DRC9: variants seen among roughly 807,000 people sequenced by gnomAD.
DRC9 encodes dynein regulatory complex subunit 9.
chr3:197,933,327 G>C, the DRC9 span, among the ~76,000 whole-genome samples: 1 of 151,646 alleles, frequency 6.6e-6, no homozygotes, highest in Non-Finnish European at 1.5e-5. Flanking sequence ...TGTAATCCCA[G>C]CTACTCGGGA....
chr3:197,948,537 C>T, the DRC9 span, among the ~76,000 whole-genome samples: 109 of 152,316 alleles, frequency 7.2e-4, 4 homozygotes, highest in South Asian at 0.021. Flanking sequence ...GAATAATACA[C>T]GAGCAAACGA....
the DRC9 span, among the ~76,000 whole-genome samples, chr3:197,899,284 G>A: frequency 6.6e-6 from 1 of 152,138 alleles, no homozygotes; most frequent in Non-Finnish European, 1.5e-5. Context: ...AATCTGGTTT[G>A]TTTTCTGTTT....
chr3:197,949,863 G>A, the DRC9 span: 1 of 392,060 alleles, frequency 2.6e-6, no homozygotes. Context: ...TAGGCAGCGG[G>A]AACATCCTCC....
At chr3:197,895,758 T>TAA in the DRC9 span, among the ~76,000 whole-genome samples, 1 of 151,074 alleles carries the variant, frequency 6.6e-6, no homozygotes, top group Non-Finnish European at 1.5e-5. Context: ...GTGGATTACT[T>TAA]GAGTCCAGGA....
chr3:197,953,279 G>A, the DRC9 span, among the ~76,000 whole-genome samples: 1 of 152,202 alleles, frequency 6.6e-6, no homozygotes, highest in Non-Finnish European at 1.5e-5. Flanking sequence ...GAGAGCCCTA[G>A]GTGGGAGGAT....
the DRC9 span, among the ~76,000 whole-genome samples, chr3:197,894,132 A>G: frequency 6.6e-6 from 1 of 152,254 alleles, no homozygotes; most frequent in Non-Finnish European, 1.5e-5. Flanking sequence ...AAAGAGCACA[A>G]CTCTGGCACT....
the DRC9 span, among the ~76,000 whole-genome samples, chr3:197,933,504 A>T: frequency 4.6e-5 from 7 of 152,290 alleles, no homozygotes; most frequent in Admixed American, 1.3e-4. Context: ...AAATTTTTTT[A>T]AATGATTTAA....
At chr3:197,938,493 T>A in the DRC9 span, 1 of 1,364,286 alleles carries the variant, frequency 7.3e-7, no homozygotes, top group Non-Finnish European at 1.0e-6. Context: ...GGGCGCCCCT[T>A]CGCTCATCTA....
At chr3:197,906,200 G>T in the DRC9 span, among the ~76,000 whole-genome samples, 5 of 152,132 alleles carry the variant, frequency 3.3e-5, no homozygotes, top group African/African-American at 1.2e-4. Flanking sequence ...CTCACTGTCC[G>T]GTCACCAGAG....
chr3:197,907,148 C>G, the DRC9 span, among the ~76,000 whole-genome samples: 1 of 152,152 alleles, frequency 6.6e-6, no homozygotes, highest in Non-Finnish European at 1.5e-5. Context: ...TCACACCTGC[C>G]TATGTAGGAA....
chr3:197,912,333 C>T, the DRC9 span, among the ~76,000 whole-genome samples: 12 of 152,160 alleles, frequency 7.9e-5, no homozygotes, highest in Admixed American at 7.2e-4. Context: ...AGCCACTGTG[C>T]CCAGCCCATA....
the DRC9 span, among the ~76,000 whole-genome samples, chr3:197,936,255 T>G: frequency 6.6e-6 from 1 of 152,192 alleles, no homozygotes; most frequent in Non-Finnish European, 1.5e-5. Context: ...TTCAATGCAA[T>G]AAGACAATAA....
chr3:197,945,958 C>T, the DRC9 span, among the ~76,000 whole-genome samples: 7 of 152,162 alleles, frequency 4.6e-5, no homozygotes, highest in East Asian at 1.9e-4. Context: ...TAATGTTCAA[C>T]GTGGTTTTAG....
At chr3:197,928,351 T>C in the DRC9 span, among the ~76,000 whole-genome samples, 1 of 150,976 alleles carries the variant, frequency 6.6e-6, no homozygotes, top group South Asian at 2.1e-4. Context: ...CTTTTTTTTT[T>C]TTTTTTTGTT....
the DRC9 span, among the ~76,000 whole-genome samples, chr3:197,952,300 GC>G: frequency 1.3e-5 from 2 of 149,656 alleles, no homozygotes; most frequent in East Asian, 4.0e-4. Flanking sequence ...CTCCTGAGTA[GC>G]TGGGATTACA....
the DRC9 span, chr3:197,951,018 G>C: frequency 6.2e-7 from 1 of 1,608,762 alleles, no homozygotes; most frequent in Non-Finnish European, 8.5e-7. Flanking sequence ...TTGTGTGTTA[G>C]ACGTGAACGT....
chr3:197,933,085 ATATAT>A, the DRC9 span, among the ~76,000 whole-genome samples: 8 of 141,488 alleles, frequency 5.7e-5, no homozygotes, highest in Non-Finnish European at 1.2e-4. Flanking sequence ...TATAAAATAC[ATATAT>A]TATACATATA....
At chr3:197,893,413 A>G in the DRC9 span, among the ~76,000 whole-genome samples, 4 of 151,144 alleles carry the variant, frequency 2.6e-5, no homozygotes, top group Non-Finnish European at 5.9e-5. Context: ...ATGTCTGGAT[A>G]AGGGAAGTTG....
the DRC9 span, chr3:197,959,396 T>G: frequency 6.6e-6 from 1 of 152,204 alleles, no homozygotes; most frequent in Admixed American, 6.5e-5. Flanking sequence ...TACACACATT[T>G]AGTGAGTATT....
Sources: allele counts gnomAD v4.1 joint callset (sites outside exome capture counted in the v4.1 genomes callset), GRCh38; gene constraint gnomAD v4.1.1; transcripts MANE v1.5; gene names NCBI Gene and HGNC (gene_info 2026-07-23, HGNC 2026-07-21).